The following TPO variants were observed in gnomAD, a reference collection of about 807,000 sequenced individuals.
The protein encoded by TPO is thyroid microsomal antigen.
A neutral mutation model predicts 96.9 loss-of-function variants in TPO; 78 were observed. That is an observed-to-expected ratio of 0.81 (90% CI 0.67 to 0.97). TPO has a LOEUF of 0.97. Ranked by LOEUF, TPO falls within the 50% of genes least tolerant of loss-of-function variation. The pLI is 0.00. For missense variants in TPO, 1,252 were observed against 1,274.8 expected, an observed-to-expected ratio of 0.98 and a Z score of 0.27; for synonymous variants, 547 against 538.0, an observed-to-expected ratio of 1.02 and a Z score of -0.23.
At chr2:1,434,717 T>C (rs1342343690) in intron 4 of TPO, among the ~76,000 whole-genome samples, 1 of 152,202 alleles carries the variant, frequency 6.6e-6, no homozygotes, top group Non-Finnish European at 1.5e-5. Flanking sequence ...GTCCAGGCTA[T>C]AATGTAGAAC....
intron 1 of TPO, among the ~76,000 whole-genome samples, chr2:1,377,779 T>G (rs1394976097): frequency 6.6e-6 from 1 of 152,180 alleles, no homozygotes; most frequent in Non-Finnish European, 1.5e-5. Context: ...TGGTGCTATG[T>G]CTGCTAGTGG....
At position 1,510,818 on chromosome 2, in the gene TPO, C is replaced by G. The variant is rs548330878; in HGVS notation, c.2519-6065C>G. Among the ~76,000 whole-genome samples, 19 of 152,176 alleles carry G rather than the reference C, an allele frequency of 1.2e-4. No homozygotes were observed. The East Asian group carries it at 3.1e-3, about 25-fold the overall frequency. ...TCCTGTCTCCGTGGTGATTTACAGA[C>G]TTAGATTTAGATACAGATATTGATT... is the stretch of plus-strand genomic sequence containing the variant. On this transcript the variant is annotated intron_variant, in intron 14 of 16. Transcript: ENST00000329066.
In TPO at chr2:1,543,018, T is replaced by TCCTCCAGAGATTC. The variant is rs1398431825; in HGVS notation, c.*545_*557dup. The TCCTCCAGAGATTC allele has an allele frequency of 1.5e-5, 3 of 202,302 alleles. No individual in the cohort carries two copies. Among genetic ancestry groups the TCCTCCAGAGATTC allele is most frequent in the Admixed American group, 1.1e-4 (2 of 18,620 alleles). 12.5% of individuals were successfully genotyped at this position (202,302 alleles called of 1,614,324 possible). A position where few individuals can be genotyped will look rare whatever the true frequency, so the allele number is the denominator to read the frequency against. ...CAACAAGGCAAAGTGACTTGTCTCATCCTCCAGAGATTCACCAACACATGA... is the reference window on the plus strand; with the variant it reads ...CAACAAGGCAAAGTGACTTGTCTCATCCTCCAGAGATTCCCTCCAGAGATTCACCAACACATGA... On this transcript the variant is annotated 3_prime_UTR_variant, in exon 17 of 17. Coordinates refer to ENST00000329066, the MANE Select transcript of TPO (RefSeq NM_001206744.2).
chr2:1,536,863 C>G (rs1679790270), intron 15 of TPO, among the ~76,000 whole-genome samples: 1 of 143,336 alleles, frequency 7.0e-6, no homozygotes, highest in Non-Finnish European at 1.5e-5. Flanking sequence ...TGTGTTCAAC[C>G]TCCCCGAATA....
chr2:1,542,495 G>A lies in TPO; in HGVS notation c.*21G>A, dbSNP rs200095703. 4 of 1,614,030 alleles carry A rather than the reference G, an allele frequency of 2.5e-6. No homozygotes were observed. Among genetic ancestry groups the A allele is most frequent in the East Asian group, 4.5e-5 (2 of 44,880 alleles). On this transcript the variant is annotated 3_prime_UTR_variant, in exon 17 of 17. Transcript: ENST00000329066. Reference sequence around the variant, plus strand: ...TCTGAGGGCAAAGTGGCAGGACACTGCAGAACAGCTTCATGTTCCCAAAAT... The same window carrying A: ...TCTGAGGGCAAAGTGGCAGGACACTACAGAACAGCTTCATGTTCCCAAAAT...
chr2:1,382,304 G>A (rs146603329), intron 1 of TPO, among the ~76,000 whole-genome samples: 17 of 152,268 alleles, frequency 1.1e-4, no homozygotes, highest in Non-Finnish European at 2.2e-4. Context: ...CCACACAGTT[G>A]CTCTTTTCCA....
chr2:1,489,147 C>A (rs888374344), intron 10 of TPO, among the ~76,000 whole-genome samples: 6 of 151,574 alleles, frequency 4.0e-5, no homozygotes, highest in Admixed American at 6.6e-5. Flanking sequence ...CCAGCACATG[C>A]CCAGCACATA....
At chr2:1,375,378 T>C (rs977735039) in intron 1 of TPO, among the ~76,000 whole-genome samples, 19 of 152,034 alleles carry the variant, frequency 1.2e-4, no homozygotes, top group Non-Finnish European at 1.5e-4. Flanking sequence ...TTGCTAAGAT[T>C]GAGAATGTGC....
chr2:1,480,949 C>T (rs1251810952), intron 8 of TPO, among the ~76,000 whole-genome samples: 1 of 149,954 alleles, frequency 6.7e-6, no homozygotes, highest in African/African-American at 2.4e-5. Context: ...CTATCCCCTC[C>T]CTCAGCCCTG....
At chr2:1,539,678 TTTGTAGGTATTACAGTA>T (rs553625477) in intron 15 of TPO, among the ~76,000 whole-genome samples, 37 of 152,208 alleles carry the variant, frequency 2.4e-4, no homozygotes, top group South Asian at 2.1e-3. Context: ...GAGTTGTTTG[TTTGTAGGTATTACAGTA>T]TTGTCTAACG....
chr2:1,420,421 A>C (rs988162936), intron 2 of TPO, among the ~76,000 whole-genome samples: 20 of 152,194 alleles, frequency 1.3e-4, no homozygotes, highest in African/African-American at 4.3e-4. Flanking sequence ...CAGTGATAGG[A>C]TGCATATACA....
At chr2:1,535,033 TC>T (rs1232211715) in intron 15 of TPO, among the ~76,000 whole-genome samples, 48 of 97,304 alleles carry the variant, frequency 4.9e-4, no homozygotes, top group South Asian at 1.2e-3. Context: ...CCTCCCCAAA[TC>T]CCCCCCACTG....
chr2:1,452,377 G>A (rs1426693020), intron 5 of TPO, among the ~76,000 whole-genome samples: 2 of 152,200 alleles, frequency 1.3e-5, no homozygotes, highest in East Asian at 1.9e-4. Context: ...CTGGTTACCC[G>A]AGATCCTTCC....
At chr2:1,485,435 T>C (rs1160895773) in intron 9 of TPO, among the ~76,000 whole-genome samples, 1 of 152,192 alleles carries the variant, frequency 6.6e-6, no homozygotes, top group African/African-American at 2.4e-5. Context: ...ATTGGATCGC[T>C]GGGTCAAATG....
intron 15 of TPO, among the ~76,000 whole-genome samples, chr2:1,521,243 G>T (rs1455412752): frequency 6.6e-6 from 1 of 152,188 alleles, no homozygotes; most frequent in African/African-American, 2.4e-5. Flanking sequence ...TTTGTCCTCC[G>T]TCCAGGACGT....
intron 15 of TPO, among the ~76,000 whole-genome samples, chr2:1,533,302 CCCCCCCACTCTGCGCAACCTCCTCAAAT>C: frequency 2.0e-5 from 1 of 49,778 alleles, no homozygotes; most frequent in East Asian, 9.2e-4. Context: ...CTCCCCAAAT[CCCCCCCACTCTGCGCAACCTCCTCAAAT>C]CCCCCCACTG....
chr2:1,504,022 T>C lies in TPO; in HGVS notation c.2461T>C (p.Phe821Leu). The change falls in exon 14 of 17, where the codon TTC becomes CTC. Residue 821 changes from phenylalanine (F) to leucine (L), a missense_variant. Phe to Leu is a conservative substitution (Grantham distance 22). Transcript: ENST00000329066. Reference sequence around the variant, plus strand: ...GAGGTGCAGAAACACCAAAGGCGGCTTCCAGTGTCTCTGCGCGGACCCCTA... The same window carrying C: ...GAGGTGCAGAAACACCAAAGGCGGCCTCCAGTGTCTCTGCGCGGACCCCTA... ...SARCRNTKGG[F>L]QCLCADPYEL... 6.2e-7 allele frequency: 1 copy of C among 1,614,192 alleles called. No homozygotes were observed. The highest frequency in any genetic ancestry group is 8.5e-7 in the Non-Finnish European group (1 of 1,180,036).
intron 7 of TPO, among the ~76,000 whole-genome samples, chr2:1,464,616 A>T (rs1036311567): frequency 2.6e-5 from 4 of 152,106 alleles, no homozygotes; most frequent in South Asian, 2.1e-4. Flanking sequence ...TAAGGTGCTA[A>T]TGTGTTGTGT....
chr2:1,505,580 C>G (rs1673358114), intron 14 of TPO, among the ~76,000 whole-genome samples: 1 of 151,100 alleles, frequency 6.6e-6, no homozygotes, highest in African/African-American at 2.4e-5. Context: ...CAGGCACACC[C>G]CCACTCCTTT....
Sources: allele counts gnomAD v4.1 joint callset (sites outside exome capture counted in the v4.1 genomes callset), GRCh38; gene constraint gnomAD v4.1.1; transcripts MANE v1.5; gene names NCBI Gene and HGNC (gene_info 2026-07-23, HGNC 2026-07-21).